The following MTA3 variants were observed in gnomAD, a reference collection of about 807,000 sequenced individuals.
MTA3 encodes the protein metastasis-associated protein MTA3.
A neutral mutation model predicts 83.5 loss-of-function variants in MTA3; 34 were observed. That is an observed-to-expected ratio of 0.41 (90% CI 0.31 to 0.54). The LOEUF is 0.54. Ranked by LOEUF, MTA3 falls within the 20% of genes least tolerant of loss-of-function variation. MTA3 has a pLI of 0.33. For missense variants in MTA3, 761 were observed against 726.4 expected, an observed-to-expected ratio of 1.05 and a Z score of -0.55; for synonymous variants, 303 against 252.7, an observed-to-expected ratio of 1.20 and a Z score of -1.89.
intron 13 of MTA3, among the ~76,000 whole-genome samples, chr2:42,708,279 G>A (rs1221460477): frequency 6.6e-6 from 1 of 152,152 alleles, no homozygotes; most frequent in South Asian, 2.1e-4. Context: ...AATGAGTGTG[G>A]GAGATGTTAG....
rs1249805351 is a variant in MTA3, at chr2:42,701,410, C to T, written c.1026-2784C>T. Among the ~76,000 whole-genome samples, 3 of 136,224 alleles carry T rather than the reference C, an allele frequency of 2.2e-5. No homozygotes were observed. In the South Asian group the frequency reaches 7.5e-4, roughly 34 times the overall value. The allele number at this position is 136,224 out of a possible 152,430, so 89.4% of individuals were successfully genotyped here. A position where few individuals can be genotyped will look rare whatever the true frequency, so the allele number is the denominator to read the frequency against. ...AAGACCAGCCTGGGTAACATAGAGT[C>T]CCTGTATCTATCAAAAAAAAAAAAA... On this transcript the variant is annotated intron_variant, in intron 11 of 16. Coordinates refer to ENST00000405094, the MANE Select transcript of MTA3 (RefSeq NM_001330442.2).
intron 2 of MTA3, among the ~76,000 whole-genome samples, chr2:42,514,440 G>T (rs1043250326): frequency 4.0e-5 from 6 of 151,796 alleles, no homozygotes; most frequent in African/African-American, 1.5e-4. Flanking sequence ...GGAGTGCAGG[G>T]GCACTGTCTT....
chr2:42,673,697 C>A (rs866295381), intron 8 of MTA3, among the ~76,000 whole-genome samples: 3 of 152,096 alleles, frequency 2.0e-5, no homozygotes, highest in South Asian at 2.1e-4. Flanking sequence ...TGGATACAAT[C>A]GAATGAAGGC....
chr2:42,643,143 G>GT (rs918592669), intron 5 of MTA3, among the ~76,000 whole-genome samples: 5 of 146,260 alleles, frequency 3.4e-5, no homozygotes, highest in Admixed American at 7.0e-5. Context: ...GAATAACTCT[G>GT]TTTTTTTTCC....
chr2:42,755,050 TGA>T lies in MTA3; in HGVS notation c.*1655_*1656del, dbSNP rs1670149206. On this transcript the variant is annotated 3_prime_UTR_variant, in exon 17 of 17. Transcript: ENST00000405094. ...TGGGGCCTGTGTCAGAAGCATTTGG[TGA>T]GAGGGGTGGAGGTGGCAGGCAGGGG... is the stretch of plus-strand genomic sequence containing the variant. The T allele has an allele frequency of 1.0e-6, 1 of 985,344 alleles. No homozygotes were observed. 61.0% of individuals were successfully genotyped at this position (985,344 alleles called of 1,614,324 possible).
upstream of MTA3, chr2:42,568,524 G>T (rs901608519): frequency 1.9e-4 from 35 of 188,674 alleles, no homozygotes; most frequent in Non-Finnish European, 3.0e-4. Context: ...CGGCCCACTC[G>T]GCCTTGCTAG....
intron 14 of MTA3, among the ~76,000 whole-genome samples, chr2:42,716,600 T>C (rs566166768): frequency 6.6e-6 from 1 of 152,324 alleles, no homozygotes; most frequent in African/African-American, 2.4e-5. Context: ...TCTGTTACTG[T>C]ATTAGTTTGC....
chr2:42,552,779 G>A (rs1279221567), intron 2 of MTA3, among the ~76,000 whole-genome samples: 17 of 151,790 alleles, frequency 1.1e-4, no homozygotes, highest in African/African-American at 3.9e-4. Context: ...GTGAAGCCCC[G>A]TCTCTACTAA....
intron 8 of MTA3, among the ~76,000 whole-genome samples, chr2:42,670,458 A>G (rs553652432): frequency 3.3e-5 from 5 of 152,304 alleles, no homozygotes; most frequent in East Asian, 1.9e-4. Flanking sequence ...TTCTATCTAT[A>G]AAGTAGAATA....
At chr2:42,749,632 T>A (rs1669714339) in intron 16 of MTA3, among the ~76,000 whole-genome samples, 1 of 151,758 alleles carries the variant, frequency 6.6e-6, no homozygotes, top group East Asian at 2.0e-4. Context: ...CATGCCTGGC[T>A]AATTTTTGTA....
intron 8 of MTA3, among the ~76,000 whole-genome samples, chr2:42,671,243 T>C (rs1159860855): frequency 6.6e-6 from 1 of 152,176 alleles, no homozygotes; most frequent in African/African-American, 2.4e-5. Context: ...TCTAGGAGAT[T>C]ATATATTTCC....
chr2:42,613,068 A>G (rs901433793), intron 4 of MTA3, among the ~76,000 whole-genome samples: 8 of 152,130 alleles, frequency 5.3e-5, no homozygotes, highest in Non-Finnish European at 1.0e-4. Context: ...AAAACTAGTG[A>G]TGTGTTTTTT....
chr2:42,500,355 C>A (rs111530506), intron 2 of MTA3, among the ~76,000 whole-genome samples: 1 of 151,958 alleles, frequency 6.6e-6, no homozygotes, highest in East Asian at 1.9e-4. Context: ...GCCGAGATCA[C>A]GCCACTGTAC....
intron 16 of MTA3, among the ~76,000 whole-genome samples, chr2:42,738,231 G>C (rs1041124950): frequency 6.6e-6 from 1 of 152,140 alleles, no homozygotes; most frequent in African/African-American, 2.4e-5. Context: ...CACTGGACAA[G>C]GCTGGGCAAC....
At chr2:42,516,589 G>T (rs1675154397) in intron 2 of MTA3, among the ~76,000 whole-genome samples, 1 of 152,164 alleles carries the variant, frequency 6.6e-6, no homozygotes, top group Non-Finnish European at 1.5e-5. Flanking sequence ...AGGAAAGAAG[G>T]AAATGGCTCA....
At chr2:42,561,354 G>A (rs937881538) in intron 2 of MTA3, among the ~76,000 whole-genome samples, 6 of 148,808 alleles carry the variant, frequency 4.0e-5, no homozygotes, top group African/African-American at 1.0e-4. Flanking sequence ...ATGGAATCTC[G>A]CTCTGTTGCC....
intron 6 of MTA3, among the ~76,000 whole-genome samples, chr2:42,647,153 T>C (rs1573460816): frequency 1.5e-4 from 2 of 13,500 alleles, no homozygotes; most frequent in Non-Finnish European, 2.6e-4. Context: ...TGAGACTCTG[T>C]CTAAAAAAAA....
intron 8 of MTA3, among the ~76,000 whole-genome samples, chr2:42,665,274 C>G (rs188784340): frequency 6.6e-6 from 1 of 152,218 alleles, no homozygotes; most frequent in East Asian, 1.9e-4. Context: ...TGCCTGTAGT[C>G]CCAGCTACTC....
chr2:42,559,397 G>C (rs911773761), intron 2 of MTA3, among the ~76,000 whole-genome samples: 8 of 151,632 alleles, frequency 5.3e-5, no homozygotes, highest in African/African-American at 1.9e-4. Flanking sequence ...AGCTACTCTG[G>C]AGGCTGAGAT....
Sources: allele counts gnomAD v4.1 joint callset (sites outside exome capture counted in the v4.1 genomes callset), GRCh38; gene constraint gnomAD v4.1.1; transcripts MANE v1.5; gene names NCBI Gene and HGNC (gene_info 2026-07-23, HGNC 2026-07-21).